The following DAW1 variants were observed in gnomAD, a reference collection of about 807,000 sequenced individuals.
DAW1 encodes the protein dynein assembly factor with WD repeat domains 1.
DAW1 carries 47 observed loss-of-function variants against 56.5 expected under a neutral mutation model. The observed-to-expected ratio is 0.83, with a 90% CI of 0.66 to 1.06. The LOEUF is 1.06. DAW1 is among the 50% of genes least tolerant of loss of function. DAW1 has a pLI of 0.00. For synonymous variants in DAW1, 190 were observed against 179.0 expected (o/e 1.06, Z -0.49); for missense variants, 505 against 499.3 (o/e 1.01, Z -0.11).
At chr2:227,886,864 T>G (rs893869502) in intron 2 of DAW1, among the ~76,000 whole-genome samples, 1 of 152,236 alleles carries the variant, frequency 6.6e-6, no homozygotes, top group Non-Finnish European at 1.5e-5. Context: ...AGAGCCTAAG[T>G]TCAGATAAGG....
intron 1 of DAW1, chr2:227,872,297 A>T (rs4973398): frequency 7.6e-6 from 1 of 131,492 alleles, no homozygotes. Flanking sequence ...AAAAAAGAAA[A>T]AAAAGAAAAA....
chr2:227,918,825 A>G lies in DAW1; in HGVS notation c.1019A>G (p.Lys340Arg). Residue 340 changes from lysine (K) to arginine (R), a missense_variant, in exon 11 of 13, where the codon AAA becomes AGA. Transcript: ENST00000309931. The stretch of plus-strand genomic sequence containing the variant: ...GCTGCCACAAGAAAATGCATTGCCA[A>G]ACTGGAAGGTCATGAAGGTGAAATT... ...FSAATRKCIA[K>R]LEGHEGEISK... 3 of 1,614,164 alleles carry G rather than the reference A, an allele frequency of 1.9e-6. No homozygotes were observed. Among genetic ancestry groups the G allele is most frequent in the Non-Finnish European group, 2.5e-6 (3 of 1,180,038 alleles).
At chr2:227,902,569 T>A (rs1691572556) in intron 6 of DAW1, among the ~76,000 whole-genome samples, 1 of 152,062 alleles carries the variant, frequency 6.6e-6, no homozygotes, top group African/African-American at 2.4e-5. Context: ...CTGGGGGAAC[T>A]GGATGGATTG....
intron 1 of DAW1, among the ~76,000 whole-genome samples, chr2:227,873,445 T>C (rs768001907): frequency 7.9e-5 from 12 of 152,156 alleles, no homozygotes; most frequent in Non-Finnish European, 1.3e-4. Flanking sequence ...GTTGAATGAA[T>C]GTATGGATAA....
At chr2:227,909,095 A>G (rs547332436) in intron 10 of DAW1, among the ~76,000 whole-genome samples, 31 of 152,076 alleles carry the variant, frequency 2.0e-4, no homozygotes, top group Non-Finnish European at 4.0e-4. Context: ...ATTTATAACC[A>G]TATATGATAC....
At chr2:227,891,120 TCTAAA>T (rs1224225965) in intron 3 of DAW1, 130 bp from the exon 4 acceptor site, 4 of 739,350 alleles carry the variant, frequency 5.4e-6, no homozygotes, top group Admixed American at 5.1e-5. Context: ...CATAGCACTG[TCTAAA>T]GGTAAATCAG....
chr2:227,906,006 C>T (rs1056271358), intron 8 of DAW1, among the ~76,000 whole-genome samples: 4 of 152,158 alleles, frequency 2.6e-5, no homozygotes, highest in African/African-American at 7.2e-5. Flanking sequence ...CCACCTGCCT[C>T]GGCCTCACAG....
chr2:227,918,650 A>T, intron 10 of DAW1, 130 bp from the exon 11 acceptor site: 2 of 991,234 alleles, frequency 2.0e-6, no homozygotes, highest in Non-Finnish European at 3.0e-6. Flanking sequence ...GGCTCTCAAC[A>T]CAGGCAAGAA....
intron 6 of DAW1, among the ~76,000 whole-genome samples, chr2:227,899,443 A>G (rs1189264628): frequency 6.6e-6 from 1 of 152,230 alleles, no homozygotes; most frequent in East Asian, 1.9e-4. Context: ...AATAATAGAG[A>G]CTTTTGAGGG....
intron 2 of DAW1, among the ~76,000 whole-genome samples, chr2:227,886,486 G>A (rs1046790361): frequency 1.3e-5 from 2 of 152,150 alleles, no homozygotes; most frequent in African/African-American, 4.8e-5. Context: ...GCATGGTGGT[G>A]CATGCCTGTA....
chr2:227,914,682 C>T (rs1200125619), intron 10 of DAW1, among the ~76,000 whole-genome samples: 1 of 152,022 alleles, frequency 6.6e-6, no homozygotes, highest in Non-Finnish European at 1.5e-5. Context: ...TACATGATGT[C>T]TACTTCACTG....
intron 6 of DAW1, among the ~76,000 whole-genome samples, chr2:227,899,813 C>A (rs1691494717): frequency 6.6e-6 from 1 of 152,132 alleles, no homozygotes; most frequent in South Asian, 2.1e-4. Flanking sequence ...AACTTAGGAA[C>A]AAGATACCTA....
chr2:227,885,086 A>G (rs947613770), intron 1 of DAW1, among the ~76,000 whole-genome samples: 1 of 152,178 alleles, frequency 6.6e-6, no homozygotes, highest in Non-Finnish European at 1.5e-5. Flanking sequence ...ACCTATAGCC[A>G]GTCTACCTTC....
chr2:227,916,532 T>C (rs917380148), intron 10 of DAW1, among the ~76,000 whole-genome samples: 2 of 152,178 alleles, frequency 1.3e-5, no homozygotes, highest in African/African-American at 4.8e-5. Context: ...TATGATGCTA[T>C]ACTATTTCTC....
At chr2:227,918,752 T>A (rs773452765) in intron 10 of DAW1, 28 bp from the exon 11 acceptor site, 2 of 1,610,748 alleles carry the variant, frequency 1.2e-6, no homozygotes, top group Admixed American at 3.4e-5. Flanking sequence ...AAGATGAATT[T>A]ATATATATCC....
At chr2:227,916,646 T>G (rs1168636484) in intron 10 of DAW1, among the ~76,000 whole-genome samples, 2 of 152,188 alleles carry the variant, frequency 1.3e-5, no homozygotes, top group Non-Finnish European at 2.9e-5. Context: ...GTGATGGCCA[T>G]GTATACTATA....
At chr2:227,880,973 T>C (rs1439776449) in intron 1 of DAW1, among the ~76,000 whole-genome samples, 1 of 152,194 alleles carries the variant, frequency 6.6e-6, no homozygotes, top group East Asian at 1.9e-4. Flanking sequence ...GAGAAGAATC[T>C]GTAGACCTGA....
rs376030826 is a variant in DAW1, at chr2:227,888,717, C to T, written c.114-1139C>T. On this transcript the variant is annotated intron_variant, in intron 2 of 12. Coordinates refer to ENST00000309931, the MANE Select transcript of DAW1 (RefSeq NM_178821.3). Reference sequence around the variant, plus strand: ...ATCTGCATAGTGCATCTTCTGGACACGTGTGTGACATGATTTGTGAAATGG... The same window carrying T: ...ATCTGCATAGTGCATCTTCTGGACATGTGTGTGACATGATTTGTGAAATGG... Among the ~76,000 whole-genome samples, 12 of 152,192 alleles carry T rather than the reference C, an allele frequency of 7.9e-5. 1 individual carries two copies. In the East Asian group the frequency reaches 9.6e-4, roughly 12 times the overall value.
chr2:227,898,263 G>T lies in DAW1; in HGVS notation c.522G>T (p.Arg174Ser). The T allele has an allele frequency of 5.2e-6, 8 of 1,545,950 alleles. No individual in the cohort carries two copies. Among genetic ancestry groups the T allele is most frequent in the Non-Finnish European group, 7.0e-6 (8 of 1,141,490 alleles). ...VETGKCYHTF[R>S]GHTAEIVCLS... is the part of the protein sequence containing the mutation. Reference sequence around the variant, plus strand: ...CAGGAAAATGTTACCATACCTTCAGGGGTCATACAGCAGAAATAGTGAGTA... The same window carrying T: ...CAGGAAAATGTTACCATACCTTCAGTGGTCATACAGCAGAAATAGTGAGTA... Residue 174 changes from arginine to serine, a missense_variant, in exon 6 of 13, where the codon AGG becomes AGT. Arg to Ser is a moderately radical substitution (Grantham distance 110, BLOSUM62 -1). Coordinates refer to ENST00000309931, the MANE Select transcript of DAW1 (RefSeq NM_178821.3).
Sources: allele counts gnomAD v4.1 joint callset (sites outside exome capture counted in the v4.1 genomes callset), GRCh38; gene constraint gnomAD v4.1.1; transcripts MANE v1.5; gene names NCBI Gene and HGNC (gene_info 2026-07-23, HGNC 2026-07-21).